GSE1: variants seen among roughly 807,000 people sequenced by gnomAD.
GSE1 encodes the protein genetic suppressor element 1.
A neutral mutation model predicts 112.6 loss-of-function variants in GSE1; 32 were observed. The ratio of observed to expected loss-of-function variants is 0.28; its 90% CI spans 0.21 to 0.38. The LOEUF (loss-of-function observed/expected upper bound fraction) is 0.38, where lower values mean the gene tolerates loss of function less well. Ranked by LOEUF, GSE1 falls within the 10% of genes least tolerant of loss-of-function variation. GSE1 has a pLI of 1.00. For synonymous variants in GSE1, 1,115 were observed against 735.6 expected (o/e 1.52, Z -8.35); for missense variants, 2,348 against 1,699.2 (o/e 1.38, Z -6.71).
intron 12 of GSE1, among the ~76,000 whole-genome samples, 167 bp downstream of exon 12, chr16:85,665,295 T>A (rs541811487): frequency 6.6e-6 from 1 of 152,162 alleles, no homozygotes; most frequent in Admixed American, 6.5e-5. Context: ...GTGACAGTCA[T>A]TGGGACGGAA....
intron 1 of GSE1, among the ~76,000 whole-genome samples, chr16:85,563,315 T>G (rs1283842696): frequency 1.3e-5 from 2 of 152,190 alleles, no homozygotes; most frequent in African/African-American, 2.4e-5. Flanking sequence ...GCATATTTAG[T>G]GCTGTGAAAG....
At chr16:85,664,744 G>A (rs982411168) in intron 11 of GSE1, 64 of 375,190 alleles carry the variant, frequency 1.7e-4, no homozygotes, top group African/African-American at 9.5e-4. Flanking sequence ...ACCGAGGTCC[G>A]TGGGCACAGT....
At chr16:85,625,148 C>G (rs2048984073) in intron 1 of GSE1, among the ~76,000 whole-genome samples, 1 of 152,274 alleles carries the variant, frequency 6.6e-6, no homozygotes, top group African/African-American at 2.4e-5. Flanking sequence ...GCCTCCCTGC[C>G]GAGGCCAGGC....
intron 1 of GSE1, among the ~76,000 whole-genome samples, chr16:85,346,792 CA>C (rs1223415553): frequency 7.9e-6 from 1 of 127,250 alleles, no homozygotes; most frequent in African/African-American, 3.1e-5. Context: ...GATGGATGGA[CA>C]GGTAGATGGA....
chr16:85,203,071 C>T (rs2075057430), intron 1 of GSE1, among the ~76,000 whole-genome samples: 1 of 150,928 alleles, frequency 6.6e-6, no homozygotes, highest in Non-Finnish European at 1.5e-5. Context: ...TCGGCGGTGG[C>T]AGGGGCCTGG....
At chr16:85,175,941 C>T (rs2143205968) in intron 1 of GSE1, among the ~76,000 whole-genome samples, 1 of 152,290 alleles carries the variant, frequency 6.6e-6, no homozygotes, top group East Asian at 1.9e-4. Context: ...CTGAGTCCAG[C>T]TCTTGAGTCT....
At chr16:85,263,675 C>T (rs181131496) in intron 1 of GSE1, among the ~76,000 whole-genome samples, 3 of 151,850 alleles carry the variant, frequency 2.0e-5, no homozygotes, top group South Asian at 2.1e-4. Context: ...AGGGTTGAAG[C>T]GATTCTCCCG....
rs944689399 is a variant in GSE1 at position 85,666,047 on chromosome 16, C to A, written c.2830C>A (p.Pro944Thr). Residue 944 changes from proline (P) to threonine (T), a missense_variant, in exon 13 of 16, where the codon CCA becomes ACA. By Grantham distance (38) the Pro-to-Thr change is conservative. Coordinates refer to ENST00000253458, the MANE Select transcript of GSE1 (RefSeq NM_014615.5). ...VGVAASLSDI[P>T]KAAEPGKLEQ... is the part of the protein sequence containing the mutation. ...TGTTGCTGCTTCCTTGTCTGACATC[C>A]CAAAGGCCGCGGAGCCTGGGAAGCT... 5.6e-6 allele frequency: 9 copies of A among 1,613,550 alleles called. No homozygotes were observed. The African/African-American group carries it at 1.2e-4, about 22-fold the overall frequency.
At chr16:85,388,338 G>GAA (rs2047747227) in intron 2 of GSE1, among the ~76,000 whole-genome samples, 2 of 65,754 alleles carry the variant, frequency 3.0e-5, no homozygotes, top group East Asian at 4.2e-4. Flanking sequence ...ATGAATGGAT[G>GAA]TATGGCTGGA....
chr16:85,635,807 T>G (rs1005665802), intron 2 of GSE1, among the ~76,000 whole-genome samples: 43 of 152,204 alleles, frequency 2.8e-4, no homozygotes, highest in Non-Finnish European at 1.2e-4. Flanking sequence ...GCTCCACCCC[T>G]GGGTAACGCT....
At chr16:85,661,042 G>C in intron 8 of GSE1, 104 bp from the exon 9 acceptor site, 1 of 1,090,458 alleles carries the variant, frequency 9.2e-7, no homozygotes, top group East Asian at 2.4e-5. Context: ...TCTCTAAGGG[G>C]CTGCGCCATC....
At chr16:85,554,699 T>C (rs1252129155), upstream of GSE1, among the ~76,000 whole-genome samples, 2 of 150,358 alleles carry the variant, frequency 1.3e-5, no homozygotes, top group African/African-American at 2.5e-5. Context: ...GCCCCGAGTC[T>C]CCGGGTCACG....
rs79416793 is a variant in GSE1 at position 85,403,384 on chromosome 16, T to C, written c.2464+45741T>C. On this transcript the variant is annotated intron_variant, in intron 2 of 2. Transcript: ENST00000637419. ...GCATGACCACCAGGAGGCGTGGTCATTGGGGGCTCGTCAAAGCTGCCCCCA... is the reference window on the plus strand; with the variant it reads ...GCATGACCACCAGGAGGCGTGGTCACTGGGGGCTCGTCAAAGCTGCCCCCA... Among the ~76,000 whole-genome samples the C allele has an allele frequency of 2.6e-3, 397 of 152,298 alleles. 12 individuals are homozygous for C. The East Asian group carries it at 0.05, about 19-fold the overall frequency.
intron 1 of GSE1, among the ~76,000 whole-genome samples, chr16:85,313,093 G>C (rs1161941831): frequency 6.6e-6 from 1 of 152,204 alleles, no homozygotes; most frequent in Non-Finnish European, 1.5e-5. Context: ...CTCAGCCCTG[G>C]CCACAGCAGG....
At position 85,361,158 on chromosome 16, in the gene GSE1, A is replaced by G. The variant is rs997076717; in HGVS notation, c.2464+3515A>G. ...CCCCCCCACACAAACACACAGACAC[A>G]CACAGGGGCAGAGACACACATAGAC... On this transcript the variant is annotated intron_variant, in intron 2 of 2. Transcript: ENST00000637419. 4.4e-5 allele frequency among the ~76,000 whole-genome samples: 6 copies of G among 136,776 alleles called. No individual in the cohort carries two copies. In the Admixed American group the frequency reaches 4.5e-4, roughly 10 times the overall value. 89.7% of individuals were successfully genotyped at this position (136,776 alleles called of 152,430 possible).
chr16:85,570,126 A>G (rs796742056), intron 1 of GSE1, among the ~76,000 whole-genome samples: 216 of 152,258 alleles, frequency 1.4e-3, no homozygotes, highest in African/African-American at 4.9e-3. Context: ...GCCAGATGGA[A>G]TGAGAGGTTG....
rs1197634368 is a variant in GSE1 at position 85,246,386 on chromosome 16, C to CA, written c.2283+74580dup. Among the ~76,000 whole-genome samples, 730 of 130,112 alleles carry CA rather than the reference C, an allele frequency of 5.6e-3. 31 individuals are homozygous for CA. Among genetic ancestry groups the CA allele is most frequent in the African/African-American group, 0.021 (694 of 32,442 alleles). The allele number at this position is 130,112 out of a possible 152,430, so 85.4% of individuals were successfully genotyped here. A position where few individuals can be genotyped will look rare whatever the true frequency, so the allele number is the denominator to read the frequency against. ...ACACACACCACACGCTGTCTACACA[C>CA]ACACCCCACACGCTGTCTACACACA... On this transcript the variant is annotated intron_variant, in intron 1 of 2. Coordinates refer to the GSE1 transcript ENST00000637419.
intron 2 of GSE1, among the ~76,000 whole-genome samples, chr16:85,421,888 G>T (rs2048852993): frequency 6.6e-6 from 1 of 152,164 alleles, no homozygotes; most frequent in South Asian, 2.1e-4. Context: ...CCTAAAAGAA[G>T]CTTCAAGGCC....
chr16:85,534,959 G>A (rs1293933125), intron 2 of GSE1, among the ~76,000 whole-genome samples: 2 of 152,214 alleles, frequency 1.3e-5, no homozygotes, highest in Non-Finnish European at 1.5e-5. Context: ...TGAGGAGCCC[G>A]TGGTCTTGGA....
Sources: allele counts gnomAD v4.1 joint callset (sites outside exome capture counted in the v4.1 genomes callset), GRCh38; gene constraint gnomAD v4.1.1; transcripts MANE v1.5; gene names NCBI Gene and HGNC (gene_info 2026-07-23, HGNC 2026-07-21).